The following KDM2A variants were observed in gnomAD, a reference collection of about 807,000 sequenced individuals.
KDM2A encodes lysine demethylase 2A.
In KDM2A, 3 loss-of-function variants were observed where a neutral mutation model predicts 137.3. The observed-to-expected ratio is 0.02, with a 90% CI of 0.01 to 0.06. KDM2A has a LOEUF of 0.06. Among genes scored for constraint, KDM2A ranks in the 10% least tolerant of loss-of-function variants. KDM2A has a pLI of 1.00. For missense variants in KDM2A, 738 were observed against 1,510.6 expected (o/e 0.49, Z 8.48); for synonymous variants, 512 against 541.5 (o/e 0.95, Z 0.76).
At position 67,159,753 on chromosome 11, in the gene KDM2A, A is replaced by G. The variant is rs148571635; in HGVS notation, c.43-20326A>G. ...TGGTGAAAAAGAGATTTCTACTCTCACATACCTTACCTTTTTCCCTCCAGA... is the reference window on the plus strand; with the variant it reads ...TGGTGAAAAAGAGATTTCTACTCTCGCATACCTTACCTTTTTCCCTCCAGA... On this transcript the variant is annotated intron_variant, in intron 2 of 20. Transcript: ENST00000529006. Among the ~76,000 whole-genome samples, 47 of 152,350 alleles carry G rather than the reference A, an allele frequency of 3.1e-4. No individual in the cohort carries two copies. The East Asian group carries it at 8.1e-3, about 26-fold the overall frequency.
At chr11:67,249,339 G>C (rs979458227) in intron 16 of KDM2A, among the ~76,000 whole-genome samples, 1 of 152,170 alleles carries the variant, frequency 6.6e-6, no homozygotes, top group Non-Finnish European at 1.5e-5. Context: ...CCAAAAGGTG[G>C]TCATTTTCTT....
intron 12 of KDM2A, chr11:67,240,464 G>T (rs1044115450): frequency 9.5e-7 from 1 of 1,052,746 alleles, no homozygotes; most frequent in South Asian, 1.6e-5. Context: ...ACTGCCTGCC[G>T]GGCGAGTCCA....
intron 10 of KDM2A, among the ~76,000 whole-genome samples, chr11:67,222,912 G>A (rs1323259017): frequency 6.7e-5 from 10 of 149,150 alleles, no homozygotes; most frequent in African/African-American, 2.0e-4. Context: ...AAAAAAAAAA[G>A]GCCAGGCACA....
At chr11:67,151,880 G>T (rs2136307340) in intron 2 of KDM2A, among the ~76,000 whole-genome samples, 1 of 152,184 alleles carries the variant, frequency 6.6e-6, no homozygotes, top group East Asian at 1.9e-4. Flanking sequence ...GCGTAGCTAG[G>T]ACTATAGGCA....
rs371147111 is a variant in KDM2A, at chr11:67,254,871, C to T, written c.3308-3C>T. The T allele has an allele frequency of 5.6e-6, 9 of 1,613,250 alleles. No individual in the cohort carries two copies. Among genetic ancestry groups the T allele is most frequent in the Non-Finnish European group, 7.6e-6 (9 of 1,179,380 alleles). On this transcript the variant is annotated splice_region_variant and splice_polypyrimidine_tract_variant and intron_variant, in intron 20 of 20. Transcript: ENST00000529006. The surrounding 1 kb of genome is among the most constrained non-coding windows in gnomAD (Gnocchi z 4.7). ...ACTGTCATTATGTCCACTTTCCCGA[C>T]AGGTTGCAATAAATTGACAGACCAG...
chr11:67,234,166 T>C (rs543131700), intron 12 of KDM2A, among the ~76,000 whole-genome samples: 3 of 152,304 alleles, frequency 2.0e-5, no homozygotes, highest in Non-Finnish European at 4.4e-5. Context: ...AGAAAAGATA[T>C]AGCAAGCTTA....
intron 5 of KDM2A, chr11:67,195,664 T>G (rs183226864): frequency 6.3e-6 from 1 of 159,042 alleles, no homozygotes; most frequent in South Asian, 1.9e-4. Flanking sequence ...TCATGCTCTA[T>G]GCAGTCTGTA....
intron 10 of KDM2A, chr11:67,219,615 C>T (rs1356845118): frequency 2.6e-5 from 7 of 267,856 alleles, no homozygotes; most frequent in African/African-American, 4.5e-5. Flanking sequence ...AGTGCAGTGG[C>T]GTGATCATGG....
At chr11:67,146,138 C>T (rs1448446535) in intron 2 of KDM2A, among the ~76,000 whole-genome samples, 1 of 151,606 alleles carries the variant, frequency 6.6e-6, no homozygotes, top group Non-Finnish European at 1.5e-5. Flanking sequence ...ATTTCAGGCG[C>T]ATACCACCAC....
intron 19 of KDM2A, among the ~76,000 whole-genome samples, chr11:67,253,981 A>G (rs1401970621): frequency 6.6e-6 from 1 of 152,214 alleles, no homozygotes; most frequent in East Asian, 1.9e-4. Flanking sequence ...TGCTGTGTGC[A>G]TGAGGCATAA....
chr11:67,253,333 AT>A (rs776928080), intron 18 of KDM2A, 119 bp from the exon 19 acceptor site: 99 of 835,326 alleles, frequency 1.2e-4, no homozygotes, highest in Non-Finnish European at 1.7e-4. Context: ...TGACTAAAAG[AT>A]TAGGCATAGT....
intron 8 of KDM2A, among the ~76,000 whole-genome samples, chr11:67,217,087 CA>C (rs1184443215): frequency 1.4e-5 from 2 of 144,488 alleles, no homozygotes; most frequent in African/African-American, 5.2e-5. Flanking sequence ...ACTAAAAATA[CA>C]AAAATTAGCT....
At chr11:67,177,432 A>G (rs762936934) in intron 2 of KDM2A, among the ~76,000 whole-genome samples, 1 of 152,174 alleles carries the variant, frequency 6.6e-6, no homozygotes, top group Non-Finnish European at 1.5e-5. Context: ...TCCTTATTCT[A>G]TAAGCTTTTG....
At chr11:67,253,382 C>T in intron 18 of KDM2A, 71 bp from the exon 19 acceptor site, 1 of 1,399,256 alleles carries the variant, frequency 7.1e-7, no homozygotes. Flanking sequence ...GTTCACTTTG[C>T]TCAGATCGTT....
At chr11:67,150,907 C>G (rs1359657833) in intron 2 of KDM2A, among the ~76,000 whole-genome samples, 3 of 152,106 alleles carry the variant, frequency 2.0e-5, no homozygotes, top group African/African-American at 7.2e-5. Flanking sequence ...TTCTTTCATC[C>G]TAGTCTTCAG....
chr11:67,165,712 G>C (rs959179561), intron 2 of KDM2A, among the ~76,000 whole-genome samples: 1 of 152,036 alleles, frequency 6.6e-6, no homozygotes, highest in Non-Finnish European at 1.5e-5. Flanking sequence ...TAAAGACTTA[G>C]GAGAAACAGC....
At chr11:67,179,283 G>A (rs767348111) in intron 2 of KDM2A, among the ~76,000 whole-genome samples, 1 of 151,764 alleles carries the variant, frequency 6.6e-6, no homozygotes, top group Non-Finnish European at 1.5e-5. Flanking sequence ...GTTTTGTTTT[G>A]TTTTTTTGAG....
At chr11:67,219,110 T>C (rs1007153475) in intron 9 of KDM2A, among the ~76,000 whole-genome samples, 178 bp from the exon 10 acceptor site, 1 of 152,228 alleles carries the variant, frequency 6.6e-6, no homozygotes, top group African/African-American at 2.4e-5. Context: ...ATAAGAGGTA[T>C]TATTTATCCT....
chr11:67,168,598 C>T (rs1438013474), intron 2 of KDM2A, among the ~76,000 whole-genome samples: 2,058 of 72,050 alleles, frequency 0.029, 469 homozygotes, highest in African/African-American at 0.051. Context: ...CACACACACA[C>T]ACACACACAC....
Sources: gnomAD v4.1 joint callset for allele counts (sites outside exome capture counted in the v4.1 genomes callset) on GRCh38, gnomAD v4.1.1 for gene constraint, Gnocchi (gnomAD v3.1) non-coding constraint, MANE v1.5 for transcripts, NCBI Gene and HGNC (gene_info 2026-07-23, HGNC 2026-07-21) for gene names.